The following MSH3 variants were observed in gnomAD, a reference collection of about 807,000 sequenced individuals.
The protein encoded by MSH3 is mutS homolog 3, also known as DNA mismatch repair protein Msh3.
In MSH3, 106 loss-of-function variants were observed where a neutral mutation model predicts 123.3. That is an observed-to-expected ratio of 0.86 (90% CI 0.73 to 1.01). The LOEUF (loss-of-function observed/expected upper bound fraction) is 1.01, where lower values mean the gene tolerates loss of function less well. Ranked by LOEUF, MSH3 falls within the 50% of genes least tolerant of loss-of-function variation. The probability of loss-of-function intolerance (pLI) is 0.00; values close to 1 mark genes in which losing one functional copy is unlikely to be tolerated. For synonymous variants in MSH3, 515 were observed against 481.4 expected (o/e 1.07, Z -0.91); for missense variants, 1,459 against 1,347.6 (o/e 1.08, Z -1.29).
At chr5:80,707,734 AAAAAC>A (rs1406149779) in intron 8 of MSH3, among the ~76,000 whole-genome samples, 6 of 152,212 alleles carry the variant, frequency 3.9e-5, no homozygotes, top group Non-Finnish European at 8.8e-5. Flanking sequence ...CCTGTCTCAA[AAAAAC>A]AAAACAAAAA....
chr5:80,792,701 C>A, intron 18 of MSH3, 32 bp from the exon 19 acceptor site: 1 of 1,322,736 alleles, frequency 7.6e-7, no homozygotes, highest in Non-Finnish European at 1.1e-6. Flanking sequence ...ATTTCCATGC[C>A]TAGTAAATTG....
rs533853064 is a variant in MSH3 at position 80,745,980 on chromosome 5, A to G, written c.1763+1365A>G. Reference sequence around the variant, plus strand: ...GTTGTTTTCTTCTTTTTCTTTTGCAAGTTTTTTTTTTTACAATGCCAACTT... The same window carrying G: ...GTTGTTTTCTTCTTTTTCTTTTGCAGGTTTTTTTTTTTACAATGCCAACTT... On this transcript the variant is annotated intron_variant, in intron 12 of 23. Transcript: ENST00000265081. 2.0e-3 allele frequency among the ~76,000 whole-genome samples: 305 copies of G among 151,916 alleles called. 1 individual carries two copies. The highest frequency in any genetic ancestry group is 3.3e-3 in the Admixed American group (51 of 15,262).
intron 22 of MSH3, among the ~76,000 whole-genome samples, chr5:80,871,326 C>T (rs1561505915): frequency 1.3e-5 from 2 of 152,198 alleles, no homozygotes; most frequent in African/African-American, 4.8e-5. Flanking sequence ...CCCCCCAAAA[C>T]ATAGCGGCTT....
chr5:80,808,884 C>CTATATATATAT (rs1561485262), intron 19 of MSH3, among the ~76,000 whole-genome samples: 1 of 118,676 alleles, frequency 8.4e-6, no homozygotes, highest in East Asian at 2.6e-4. Flanking sequence ...TATATATATA[C>CTATATATATAT]ACAATCTAAA....
chr5:80,792,840 T>C lies in MSH3; in HGVS notation c.2651T>C (p.Leu884Ser). 1.9e-6 allele frequency: 3 copies of C among 1,589,742 alleles called. No individual in the cohort carries two copies. ...CAATATGTCCCAAATAATACAGATT[T>C]ATCAGTAAGTACCTTATGCCAAAAA... ...QDQYVPNNTD[L>S]SEDSERVMII... The change falls in exon 19 of 24, where the codon TTA becomes TCA. Residue 884 changes from leucine to serine, a missense_variant. Leu to Ser is a moderately radical substitution (Grantham distance 145). Transcript: ENST00000265081.
chr5:80,759,758 A>G (rs1215837870), intron 12 of MSH3, among the ~76,000 whole-genome samples: 4 of 152,162 alleles, frequency 2.6e-5, no homozygotes, highest in African/African-American at 9.7e-5. Context: ...CTGTTTCAAT[A>G]TAATTTGGAC....
intron 21 of MSH3, among the ~76,000 whole-genome samples, chr5:80,861,220 C>T (rs765700504): frequency 4.6e-5 from 7 of 152,038 alleles, no homozygotes; most frequent in South Asian, 2.1e-4. Flanking sequence ...GTATGTCTTG[C>T]GACTTTTTCT....
chr5:80,736,253 A>G (rs1743504782), intron 10 of MSH3, among the ~76,000 whole-genome samples: 1 of 151,200 alleles, frequency 6.6e-6, no homozygotes, highest in Non-Finnish European at 1.5e-5. Context: ...TAAAAAAGAA[A>G]AACTACTGTT....
intron 20 of MSH3, among the ~76,000 whole-genome samples, chr5:80,850,789 C>T (rs887536036): frequency 6.6e-6 from 1 of 152,162 alleles, no homozygotes; most frequent in Non-Finnish European, 1.5e-5. Context: ...CTCTATGGTA[C>T]TTGTTCTGTT....
At position 80,656,410 on chromosome 5, in the gene MSH3, G is replaced by A. The variant is rs1749285930; in HGVS notation, c.238-1G>A. ...ATCATTTTCTAACCTTCCCGATATA[G>A]GCTACAGAAATTGACAGAAGAAAGA... On this transcript the variant is annotated splice_acceptor_variant, in intron 1 of 23. Transcript: ENST00000265081. LOFTEE classifies it high-confidence loss of function. The A allele has an allele frequency of 6.2e-7, 1 of 1,614,058 alleles. No homozygotes were observed. The highest frequency in any genetic ancestry group is 8.5e-7 in the Non-Finnish European group (1 of 1,179,986).
At chr5:80,801,653 A>G (rs182418577) in intron 19 of MSH3, among the ~76,000 whole-genome samples, 159 of 152,316 alleles carry the variant, frequency 1.0e-3, no homozygotes, top group African/African-American at 3.6e-3. Context: ...CAGGTACTTC[A>G]TGCAAACGAA....
intron 8 of MSH3, among the ~76,000 whole-genome samples, chr5:80,704,192 G>GC (rs1233756768): frequency 1.2e-4 from 18 of 152,164 alleles, no homozygotes; most frequent in Non-Finnish European, 8.8e-5. Flanking sequence ...AGGGTGACCT[G>GC]CGTGGGTCCC....
At chr5:80,679,813 G>A (rs1454187251) in intron 8 of MSH3, among the ~76,000 whole-genome samples, 1 of 152,198 alleles carries the variant, frequency 6.6e-6, no homozygotes, top group Non-Finnish European at 1.5e-5. Flanking sequence ...GTGCCTTGTT[G>A]GAAAGACTCC....
chr5:80,828,649 C>T (rs1211742135), intron 20 of MSH3, among the ~76,000 whole-genome samples: 1 of 152,156 alleles, frequency 6.6e-6, no homozygotes, highest in African/African-American at 2.4e-5. Context: ...GAACGTGTTA[C>T]CTACTTCCAA....
chr5:80,819,692 G>A (rs182753262), intron 20 of MSH3, among the ~76,000 whole-genome samples: 87 of 151,988 alleles, frequency 5.7e-4, no homozygotes, highest in African/African-American at 2.0e-3. Context: ...TCGCCATGTT[G>A]GCCAGGCTGG....
At chr5:80,781,644 T>A (rs893837653) in intron 17 of MSH3, among the ~76,000 whole-genome samples, 5 of 152,112 alleles carry the variant, frequency 3.3e-5, no homozygotes, top group African/African-American at 9.7e-5. Context: ...TTTTTAAGTG[T>A]TTTTGTAGAG....
chr5:80,807,221 A>T (rs558897634), intron 19 of MSH3, among the ~76,000 whole-genome samples: 23 of 151,900 alleles, frequency 1.5e-4, no homozygotes, highest in African/African-American at 5.3e-4. Flanking sequence ...AGGAAAAGGA[A>T]ATAACTGCAA....
At chr5:80,754,806 C>G (rs1243030627) in intron 12 of MSH3, among the ~76,000 whole-genome samples, 1 of 151,946 alleles carries the variant, frequency 6.6e-6, no homozygotes, top group Non-Finnish European at 1.5e-5. Flanking sequence ...TTTGGTAAAC[C>G]CATATGTTTG....
Position 80,741,551 on chromosome 5 carries a change from C to G in MSH3, c.1653+3C>G, listed in dbSNP as rs975681352. The G allele has an allele frequency of 1.7e-5, 27 of 1,596,242 alleles. No individual in the cohort carries two copies. The highest frequency in any genetic ancestry group is 2.1e-5 in the Non-Finnish European group (24 of 1,163,780). On this transcript the variant is annotated splice_donor_region_variant and intron_variant, in intron 11 of 23. Transcript: ENST00000265081. ...ATCTGGAAATCCTACAGAATCAGGTCAGGCAAATACAAGGGCTAGTTGATT... is the reference window on the plus strand; with the variant it reads ...ATCTGGAAATCCTACAGAATCAGGTGAGGCAAATACAAGGGCTAGTTGATT...
Sources: allele counts gnomAD v4.1 joint callset (sites outside exome capture counted in the v4.1 genomes callset), GRCh38; gene constraint gnomAD v4.1.1; transcripts MANE v1.5; gene names NCBI Gene and HGNC (gene_info 2026-07-23, HGNC 2026-07-21).